The following LGR5 variants were observed in gnomAD, a reference collection of about 807,000 sequenced individuals.
LGR5 encodes the protein leucine rich repeat containing G protein-coupled receptor 5.
LGR5 carries 54 observed loss-of-function variants against 76.7 expected under a neutral mutation model. The ratio of observed to expected loss-of-function variants is 0.70; its 90% CI spans 0.57 to 0.88. The LOEUF (loss-of-function observed/expected upper bound fraction) is 0.88, where lower values mean the gene tolerates loss of function less well. Ranked by LOEUF, LGR5 falls within the 40% of genes least tolerant of loss-of-function variation. The pLI, the probability that LGR5 is intolerant of heterozygous loss-of-function variation, is 0.00. For missense variants in LGR5, 1,078 were observed against 1,073.3 expected (o/e 1.00, Z -0.06); for synonymous variants, 406 against 421.9 (o/e 0.96, Z 0.46).
chr12:71,446,847 C>T (rs1380092609), intron 1 of LGR5, among the ~76,000 whole-genome samples: 1 of 152,174 alleles, frequency 6.6e-6, no homozygotes, highest in Non-Finnish European at 1.5e-5. Flanking sequence ...ATTTAGTAGA[C>T]ATCTTTTTAT....
chr12:71,459,059 G>A (rs1042996566), intron 1 of LGR5, among the ~76,000 whole-genome samples: 1 of 151,956 alleles, frequency 6.6e-6, no homozygotes, highest in East Asian at 1.9e-4. Context: ...TCTCCTCTGT[G>A]CTTTCTGTAC....
chr12:71,581,706 GC>G (rs1311982616), intron 16 of LGR5, among the ~76,000 whole-genome samples: 1 of 152,134 alleles, frequency 6.6e-6, no homozygotes, highest in Non-Finnish European at 1.5e-5. Flanking sequence ...AAAAACACAA[GC>G]AAAAAGTTAT....
intron 1 of LGR5, among the ~76,000 whole-genome samples, chr12:71,466,043 G>A (rs941078130): frequency 1.3e-5 from 2 of 152,192 alleles, no homozygotes; most frequent in African/African-American, 4.8e-5. Context: ...TGGGAAGACT[G>A]GCAAAGTGCC....
In LGR5 at chr12:71,526,083, TAGACATTC is replaced by T. The variant is rs1875989602; in HGVS notation, c.356+1608_356+1615del. On this transcript the variant is annotated intron_variant, in intron 3 of 17. Transcript: ENST00000266674. ...TCCTAGAACACTTCCTTACTTAGAG[TAGACATTC>T]AATAAATATTTGTTGAATTAATGAT... is the stretch of plus-strand genomic sequence containing the variant. Among the ~76,000 whole-genome samples the T allele has an allele frequency of 2.6e-5, 4 of 152,058 alleles. No individual in the cohort carries two copies. The South Asian group carries it at 8.3e-4, about 32-fold the overall frequency.
intron 1 of LGR5, among the ~76,000 whole-genome samples, chr12:71,481,276 G>A (rs959156962): frequency 2.6e-5 from 4 of 151,868 alleles, no homozygotes; most frequent in Admixed American, 2.6e-4. Flanking sequence ...GCCCCAGTGT[G>A]TGATGTTCCC....
intron 1 of LGR5, among the ~76,000 whole-genome samples, chr12:71,460,589 C>T (rs1467540651): frequency 6.6e-6 from 1 of 152,080 alleles, no homozygotes. Flanking sequence ...AATGCATCCC[C>T]CTGGCTTAAC....
chr12:71,524,278 C>T (rs139843366), intron 2 of LGR5, 128 bp from the exon 3 acceptor site: 2 of 632,396 alleles, frequency 3.2e-6, no homozygotes, highest in East Asian at 5.9e-5. Flanking sequence ...TATAACAAAA[C>T]AAAGTTGTTT....
chr12:71,462,274 G>C (rs1872712669), intron 1 of LGR5, among the ~76,000 whole-genome samples: 1 of 152,116 alleles, frequency 6.6e-6, no homozygotes, highest in South Asian at 2.1e-4. Flanking sequence ...CTGAGAGTCT[G>C]GAGAGAGTTT....
In LGR5 at chr12:71,571,596, C is replaced by G; in HGVS notation, c.1136+17C>G. On this transcript the variant is annotated intron_variant, in intron 12 of 17. Transcript: ENST00000266674. ...TCAGAAAATGTAAGTCTAGAAGTCT[C>G]TAAGTCACCTAGCAAAAATCAAGAA... 7.0e-6 allele frequency: 11 copies of G among 1,571,206 alleles called. No individual in the cohort carries two copies. Among genetic ancestry groups the G allele is most frequent in the Non-Finnish European group, 8.7e-6 (10 of 1,143,246 alleles).
At chr12:71,542,182 G>A (rs116571155) in intron 4 of LGR5, among the ~76,000 whole-genome samples, 1,932 of 152,300 alleles carry the variant, frequency 0.013, 37 homozygotes, top group African/African-American at 0.044. Flanking sequence ...AACCGTAGGT[G>A]AGAAAGTGAA....
chr12:71,459,739 G>A (rs1256166686), intron 1 of LGR5, among the ~76,000 whole-genome samples: 1 of 151,868 alleles, frequency 6.6e-6, no homozygotes, highest in Non-Finnish European at 1.5e-5. Flanking sequence ...TAATCACTTG[G>A]TATTGGAATC....
chr12:71,579,048 C>T (rs1878982832), intron 15 of LGR5, 119 bp downstream of exon 15: 1 of 846,206 alleles, frequency 1.2e-6, no homozygotes, highest in Non-Finnish European at 1.7e-6. Context: ...ATTTCATGCC[C>T]TCAAGTCTCC....
At position 71,504,614 on chromosome 12, in the gene LGR5, A is replaced by G; in HGVS notation, c.213A>G (p.Leu71=). ...PSNLSVFTSY[L]DLSMNNISQL... is the part of the protein sequence containing the mutation. ...ACACGCTGTCTGTTTTCCCCCCCAG[A>G]GACCTCAGTATGAACAACATCAGTC... The change falls in exon 2 of 18, where the codon CTA becomes CTG. Residue 71 remains leucine, a splice_region_variant and synonymous_variant. Transcript: ENST00000266674. The G allele has an allele frequency of 6.2e-7, 1 of 1,613,828 alleles. No homozygotes were observed. The highest frequency in any genetic ancestry group is 8.5e-7 in the Non-Finnish European group (1 of 1,179,772).
intron 1 of LGR5, among the ~76,000 whole-genome samples, chr12:71,495,017 G>A (rs1874247428): frequency 6.6e-6 from 1 of 150,948 alleles, no homozygotes; most frequent in Admixed American, 6.6e-5. Flanking sequence ...GACTCAGCAG[G>A]TACCTTTTGC....
intron 2 of LGR5, among the ~76,000 whole-genome samples, chr12:71,521,776 C>G (rs575864274): frequency 6.6e-6 from 1 of 152,330 alleles, no homozygotes; most frequent in South Asian, 2.1e-4. Flanking sequence ...TACTTTCAGA[C>G]AGTATTCAAG....
chr12:71,544,278 CTTTTTTTTTTCTTCGTCT>C (rs1400332843), intron 4 of LGR5, among the ~76,000 whole-genome samples: 17 of 91,396 alleles, frequency 1.9e-4, no homozygotes, highest in Non-Finnish European at 3.4e-4. Flanking sequence ...TTTTCTTTGT[CTTTTTTTTTTCTTCGTCT>C]TTTTTTTTTT....
intron 17 of LGR5, among the ~76,000 whole-genome samples, chr12:71,583,049 G>A (rs1040727753): frequency 4.0e-5 from 6 of 150,956 alleles, no homozygotes; most frequent in African/African-American, 1.5e-4. Context: ...GGAAGAGATG[G>A]GAAGGGAGGG....
intron 1 of LGR5, among the ~76,000 whole-genome samples, chr12:71,459,062 T>G (rs1872593680): frequency 6.6e-6 from 1 of 152,028 alleles, no homozygotes; most frequent in Admixed American, 6.6e-5. Flanking sequence ...CCTCTGTGCT[T>G]TCTGTACTTC....
chr12:71,584,530 C>G lies in LGR5; in HGVS notation c.2520C>G (p.Val840=), dbSNP rs549097827. The G allele has an allele frequency of 5.6e-6, 9 of 1,614,154 alleles. No individual in the cohort carries two copies. The South Asian group carries it at 9.9e-5, about 18-fold the overall frequency. Residue 840 remains valine (V), a synonymous_variant, in exon 18 of 18, where the codon GTC becomes GTG. Coordinates refer to ENST00000266674, the MANE Select transcript of LGR5 (RefSeq NM_003667.4). ...TGAGCCTGAGAAAGCAAACCTACGT[C>G]TGGACAAGATCAAAACACCCAAGCT... is the stretch of plus-strand genomic sequence containing the variant. ...DLVSLRKQTY[V]WTRSKHPSLM... is the part of the protein sequence containing the mutation.
Sources: gnomAD v4.1 joint callset for allele counts (sites outside exome capture counted in the v4.1 genomes callset) on GRCh38, gnomAD v4.1.1 for gene constraint, MANE v1.5 for transcripts, NCBI Gene and HGNC (gene_info 2026-07-23, HGNC 2026-07-21) for gene names.